Variants in MYBPH observed in about 807,000 individuals in gnomAD.
MYBPH encodes the protein myosin-binding protein H.
A neutral mutation model predicts 53.6 loss-of-function variants in MYBPH; 49 were observed. That is an observed-to-expected ratio of 0.91 (90% CI 0.73 to 1.16). The LOEUF is 1.16. Ranked by LOEUF, MYBPH falls within the 50% of genes most tolerant of loss-of-function variation. The probability of loss-of-function intolerance (pLI) is 0.00; values close to 1 mark genes in which losing one functional copy is unlikely to be tolerated. For missense variants in MYBPH, 558 were observed against 624.1 expected (o/e 0.89, Z 1.13); for synonymous variants, 239 against 249.6 (o/e 0.96, Z 0.40).
chr1:203,175,376 C>T lies in MYBPH; in HGVS notation c.291G>A (p.Leu97=). Residue 97 remains leucine, a synonymous_variant, in exon 2 of 11, where the codon CTG becomes CTA. Coordinates refer to ENST00000255416, the MANE Select transcript of MYBPH (RefSeq NM_004997.3). The stretch of plus-strand genomic sequence containing the variant: ...CATAGCCCTGGAGGCCCAGCCTCCC[C>T]AGCCTCTCTGGGGGCTCCCAGCTCA... The part of the protein sequence containing the change: ...VTVSWEPPER[L]GRLGLQGYVL... The T allele has an allele frequency of 2.6e-6, 4 of 1,532,240 alleles. No homozygotes were observed. The highest frequency in any genetic ancestry group is 3.5e-6 in the Non-Finnish European group (4 of 1,142,892). The allele number at this position is 1,532,240 out of a possible 1,614,324, so 94.9% of individuals were successfully genotyped here.
At position 203,171,295 on chromosome 1, in the gene MYBPH, G is replaced by T; in HGVS notation, c.793+88C>A. 1 of 1,562,066 alleles carries T rather than the reference G, an allele frequency of 6.4e-7. No individual in the cohort carries two copies. On this transcript the variant is annotated intron_variant, in intron 5 of 10. Transcript: ENST00000255416. This position sits in a 1 kb window ranked among gnomAD's most constrained non-coding sequence, Gnocchi z 4.2. ...ATTTGGCTCTTGCCACACTCCCTTGGCCTGCTCCCATCAGCCATCAGCTCT... is the reference window on the plus strand; with the variant it reads ...ATTTGGCTCTTGCCACACTCCCTTGTCCTGCTCCCATCAGCCATCAGCTCT...
rs369592636 is a variant in MYBPH at position 203,169,276 on chromosome 1, A to T, written c.1207T>A (p.Cys403Ser). ...STPGYSTQLF[C>S]SVRASPKPKI... ...ACCTTGGGTGAAGCTCGGACACTGC[A>T]GAACAACTGGGTGCTGTAGCCAGGG... The change falls in exon 8 of 11, where the codon TGC (cysteine) becomes AGC (serine). Residue 403 changes from cysteine to serine, a missense_variant. By Grantham distance (112) the Cys-to-Ser change is moderately radical. Coordinates refer to ENST00000255416, the MANE Select transcript of MYBPH (RefSeq NM_004997.3). 7.4e-6 allele frequency: 12 copies of T among 1,612,286 alleles called. No homozygotes were observed. Among genetic ancestry groups the T allele is most frequent in the Non-Finnish European group, 9.3e-6 (11 of 1,179,120 alleles).
intron 3 of MYBPH, among the ~76,000 whole-genome samples, chr1:203,174,144 T>G (rs1462608924): frequency 6.6e-6 from 1 of 152,206 alleles, no homozygotes; most frequent in Non-Finnish European, 1.5e-5. Context: ...ACTCTTAGCA[T>G]TGAGCAGGTG....
At position 203,171,627 on chromosome 1, in the gene MYBPH, C is replaced by T; in HGVS notation, c.598-49G>A. 1 of 1,531,218 alleles carries T rather than the reference C, an allele frequency of 6.5e-7. No individual in the cohort carries two copies. The highest frequency in any genetic ancestry group is 1.2e-5 in the South Asian group (1 of 83,078). The allele number at this position is 1,531,218 out of a possible 1,614,324, so 94.9% of individuals were successfully genotyped here. On this transcript the variant is annotated intron_variant, in intron 4 of 10. Coordinates refer to ENST00000255416, the MANE Select transcript of MYBPH (RefSeq NM_004997.3). The surrounding 1 kb of genome is among the most constrained non-coding windows in gnomAD (Gnocchi z 4.2). ...TGAGTGTAGGGAGGTGCCAGAGTCC[C>T]CACACCTCCTTAACTCCAGGAGTCT... is the stretch of plus-strand genomic sequence containing the variant.
Position 203,171,820 on chromosome 1 carries a change from A to G in MYBPH, c.597+132T>C, listed in dbSNP as rs1475890078. ...GAATCACCAATGAGTCATGTGCATG[A>G]TTGCGGAAGGATGAAGCCGTCTCGC... On this transcript the variant is annotated intron_variant, in intron 4 of 10. Transcript: ENST00000255416. This position sits in a 1 kb window ranked among gnomAD's most constrained non-coding sequence, Gnocchi z 4.2. 1.8e-5 allele frequency: 13 copies of G among 716,858 alleles called. No homozygotes were observed. The East Asian group carries it at 3.9e-4, about 22-fold the overall frequency. The allele number at this position is 716,858 out of a possible 1,614,324, so 44.4% of individuals were successfully genotyped here. A position where few individuals can be genotyped will look rare whatever the true frequency, so the allele number is the denominator to read the frequency against.
In MYBPH at chr1:203,170,393, TGAG is replaced by T. The variant is rs748421836; in HGVS notation, c.988_990del (p.Leu330del). On this transcript the variant is annotated inframe_deletion, in exon 7 of 11. Transcript: ENST00000255416. ...CGGAAGGAGTACGAGTTGCCGATGATGAGGTCAGAGATGGTGCAGGTGGTTGGG... is the reference window on the plus strand; with the variant it reads ...CGGAAGGAGTACGAGTTGCCGATGATGTCAGAGATGGTGCAGGTGGTTGGG... 1 of 1,613,980 alleles carries T rather than the reference TGAG, an allele frequency of 6.2e-7. No individual in the cohort carries two copies. Among genetic ancestry groups the T allele is most frequent in the African/African-American group, 1.3e-5 (1 of 74,914 alleles).
chr1:203,171,960 G>A lies in MYBPH; in HGVS notation c.589C>T (p.Pro197Ser). 1 of 1,321,836 alleles carries A rather than the reference G, an allele frequency of 7.6e-7. No homozygotes were observed. Among genetic ancestry groups the A allele is most frequent in the Non-Finnish European group, 9.7e-7 (1 of 1,027,856 alleles). The allele number at this position is 1,321,836 out of a possible 1,614,324, so 81.9% of individuals were successfully genotyped here. A position where few individuals can be genotyped will look rare whatever the true frequency, so the allele number is the denominator to read the frequency against. The change falls in exon 4 of 11, where the codon CCC (proline) becomes TCC (serine). Residue 197 changes from proline to serine, a missense_variant. Physicochemically the swap from Pro to Ser is moderately conservative, Grantham distance 74 (BLOSUM62 -1). Transcript: ENST00000255416. The surrounding 1 kb of genome is among the most constrained non-coding windows in gnomAD (Gnocchi z 4.2). ...GTGGGGGTAATACCCACCTGGAAGGGGATTTGCAGGTTGACCGTCTCTCCC... is the reference window on the plus strand; with the variant it reads ...GTGGGGGTAATACCCACCTGGAAGGAGATTTGCAGGTTGACCGTCTCTCCC... Reference protein sequence around the residue: ...QVGETVNLQIPFQGKPKPQAT... With the variant: ...QVGETVNLQISFQGKPKPQAT...
At position 203,174,446 on chromosome 1, in the gene MYBPH, G is replaced by A; in HGVS notation, c.492C>T (p.His164=). Residue 164 remains histidine (H), a synonymous_variant, in exon 3 of 11, where the codon CAC becomes CAT. Coordinates refer to ENST00000255416, the MANE Select transcript of MYBPH (RefSeq NM_004997.3). ...GGGCTTTACCAATGTTCTCTCGGATGTGGATGGGCTGGTCCAGCATGGCCG... is the reference window on the plus strand; with the variant it reads ...GGGCTTTACCAATGTTCTCTCGGATATGGATGGGCTGGTCCAGCATGGCCG... ...GPPAMLDQPI[H]IRENIEAPKI... The A allele has an allele frequency of 3.8e-6, 6 of 1,599,918 alleles. No individual in the cohort carries two copies. Among genetic ancestry groups the A allele is most frequent in the Non-Finnish European group, 5.1e-6 (6 of 1,169,572 alleles).
At chr1:203,177,621 T>A (rs903359), upstream of MYBPH, among the ~76,000 whole-genome samples, 2 of 152,100 alleles carry the variant, frequency 1.3e-5, no homozygotes, top group Non-Finnish European at 2.9e-5. Flanking sequence ...TCCTGGAGAC[T>A]GGATCTCCAT....
At position 203,171,996 on chromosome 1, in the gene MYBPH, T is replaced by G; in HGVS notation, c.553A>C (p.Ile185Leu). 1 of 1,324,162 alleles carries G rather than the reference T, an allele frequency of 7.6e-7. No individual in the cohort carries two copies. The highest frequency in any genetic ancestry group is 9.7e-7 in the Non-Finnish European group (1 of 1,029,010). The allele number at this position is 1,324,162 out of a possible 1,614,324, so 82.0% of individuals were successfully genotyped here. A position where few individuals can be genotyped will look rare whatever the true frequency, so the allele number is the denominator to read the frequency against. ...TTGACCGTCTCTCCCACCTGGCGGA[T>G]GTAGGTCTGACGGAGGTGGCGGGGG... Reference protein sequence around the residue: ...RVPRHLRQTYIRQVGETVNLQ... With the variant: ...RVPRHLRQTYLRQVGETVNLQ... Residue 185 changes from isoleucine to leucine, a missense_variant, in exon 4 of 11, where the codon ATC (isoleucine) becomes CTC (leucine). Ile to Leu is a conservative substitution (Grantham distance 5). Transcript: ENST00000255416. The surrounding 1 kb of genome is among the most constrained non-coding windows in gnomAD (Gnocchi z 4.2).
chr1:203,174,335 G>T, intron 3 of MYBPH, 95 bp downstream of exon 3: 10 of 1,489,062 alleles, frequency 6.7e-6, no homozygotes, highest in Non-Finnish European at 9.0e-6. Flanking sequence ...CGGGGGAAAT[G>T]ACTGCCTGGT....
chr1:203,172,642 T>C lies in MYBPH; in HGVS notation c.509-602A>G, dbSNP rs562647154. ...CTGTCACCCTCCCAAAATCTGTTAG[T>C]CTCAGAGCCGGGAAGTCCTTCTTGA... is the stretch of plus-strand genomic sequence containing the variant. On this transcript the variant is annotated intron_variant, in intron 3 of 10. Coordinates refer to ENST00000255416, the MANE Select transcript of MYBPH (RefSeq NM_004997.3). Among the ~76,000 whole-genome samples the C allele has an allele frequency of 2.6e-5, 4 of 152,298 alleles. No homozygotes were observed. In the East Asian group the frequency reaches 7.7e-4, roughly 29 times the overall value.
Position 203,171,501 on chromosome 1 carries a change from C to T in MYBPH, c.675G>A (p.Gly225=). The part of the protein sequence containing the change: ...LDSQRVSMRT[G]DQDSILFIRS... ...GAATGAAGAGGATGGAGTCCTGGTC[C>T]CCGGTGCGCATGCTCACCCGCTGGC... Residue 225 remains glycine, a synonymous_variant, in exon 5 of 11, where the codon GGG becomes GGA. Coordinates refer to ENST00000255416, the MANE Select transcript of MYBPH (RefSeq NM_004997.3). The surrounding 1 kb of genome is among the most constrained non-coding windows in gnomAD (Gnocchi z 4.2). The T allele has an allele frequency of 1.2e-6, 2 of 1,613,854 alleles. No homozygotes were observed. The highest frequency in any genetic ancestry group is 1.7e-6 in the Non-Finnish European group (2 of 1,180,002).
upstream of MYBPH, chr1:203,175,857 G>A: frequency 1.7e-6 from 2 of 1,167,438 alleles, no homozygotes; most frequent in African/African-American, 1.5e-5. Context: ...GGCTTATATA[G>A]TCAGGGGCTG....
At chr1:203,177,205 A>G (rs1484298108), upstream of MYBPH, among the ~76,000 whole-genome samples, 1 of 152,196 alleles carries the variant, frequency 6.6e-6, no homozygotes, top group Non-Finnish European at 1.5e-5. Context: ...GGCCAGTACA[A>G]AAGTTAGGAT....
chr1:203,177,059 G>C (rs1206331052), upstream of MYBPH, among the ~76,000 whole-genome samples: 1 of 152,228 alleles, frequency 6.6e-6, no homozygotes, highest in African/African-American at 2.4e-5. Flanking sequence ...CACAGACCCA[G>C]TGATGAGCAG....
rs1335276926 is a variant in MYBPH at position 203,174,492 on chromosome 1, C to A, written c.446G>T (p.Ser149Ile). 6.2e-7 allele frequency: 1 copy of A among 1,613,266 alleles called. No homozygotes were observed. The highest frequency in any genetic ancestry group is 8.5e-7 in the Non-Finnish European group (1 of 1,179,256). The change falls in exon 3 of 11, where the codon AGT becomes ATT. Residue 149 changes from serine to isoleucine, a missense_variant. Transcript: ENST00000255416. ...GGCCGGCGGGCCAGCCCCTGCAGAACTCACTGCAGACACGCGCAGGAGGAA... is the reference window on the plus strand; with the variant it reads ...GGCCGGCGGGCCAGCCCCTGCAGAAATCACTGCAGACACGCGCAGGAGGAA... ...DKFLLRVSAV[S>I]SAGAGPPAML...
At chr1:203,177,404 G>A (rs1041387404), upstream of MYBPH, among the ~76,000 whole-genome samples, 1 of 152,232 alleles carries the variant, frequency 6.6e-6, no homozygotes, top group Non-Finnish European at 1.5e-5. Flanking sequence ...TTAAAAATAA[G>A]TAAAAGTGAT....
At position 203,169,018 on chromosome 1, in the gene MYBPH, G is replaced by A. The variant is rs12087754; in HGVS notation, c.1305C>T (p.Gly435=). The A allele has an allele frequency of 6.2e-4, 997 of 1,613,716 alleles. 4 individuals carry two copies. The African/African-American group carries it at 7.8e-3, about 13-fold the overall frequency. ...GTTTCCGGATCTCTAGGGTGCAGACGCCTTGCTCAGAGAGGGCGCGGTATT... is the reference window on the plus strand; with the variant it reads ...GTTTCCGGATCTCTAGGGTGCAGACACCTTGCTCAGAGAGGGCGCGGTATT... The part of the protein sequence containing the change: ...NPKYRALSEQ[G]VCTLEIRKPS... The change falls in exon 9 of 11, where the codon GGC becomes GGT. Residue 435 remains glycine, a synonymous_variant. Coordinates refer to ENST00000255416, the MANE Select transcript of MYBPH (RefSeq NM_004997.3).
Sources: gnomAD v4.1 joint callset for allele counts (sites outside exome capture counted in the v4.1 genomes callset) on GRCh38, gnomAD v4.1.1 for gene constraint, Gnocchi (gnomAD v3.1) non-coding constraint, MANE v1.5 for transcripts, NCBI Gene and HGNC (gene_info 2026-07-23, HGNC 2026-07-21) for gene names.